The following SUPT16H variants were observed in gnomAD, a reference collection of about 807,000 sequenced individuals.
SUPT16H encodes the protein SPT16 homolog, facilitates chromatin remodeling subunit.
In SUPT16H, 24 loss-of-function variants were observed where a neutral mutation model predicts 136.2. That is an observed-to-expected ratio of 0.18 (90% CI 0.13 to 0.25). The LOEUF is 0.25. SUPT16H is among the 10% of genes least tolerant of loss of function. The probability of loss-of-function intolerance (pLI) is 1.00; values close to 1 mark genes in which losing one functional copy is unlikely to be tolerated. For synonymous variants in SUPT16H, 415 were observed against 428.2 expected, an observed-to-expected ratio of 0.97 and a Z score of 0.38; for missense variants, 623 against 1,270.2, an observed-to-expected ratio of 0.49 and a Z score of 7.74.
chr14:21,360,808 T>C, intron 17 of SUPT16H, 38 bp downstream of exon 17: 1 of 1,586,932 alleles, frequency 6.3e-7, no homozygotes, highest in East Asian at 2.2e-5. Flanking sequence ...AAATGTGCCC[T>C]GAAGAGAAAG....
intron 14 of SUPT16H, 149 bp from the exon 15 acceptor site, chr14:21,362,473 T>A: frequency 1.2e-6 from 1 of 852,270 alleles, no homozygotes; most frequent in Non-Finnish European, 1.7e-6. Context: ...ATCTTTTTAA[T>A]AACGAAGTAT....
chr14:21,377,076 G>GAAAAAAA (rs11323425), intron 1 of SUPT16H, among the ~76,000 whole-genome samples: 31 of 110,766 alleles, frequency 2.8e-4, no homozygotes, highest in East Asian at 7.9e-4. Context: ...GAAAGAAAAA[G>GAAAAAAA]AAAAAAAAAA....
intron 2 of SUPT16H, chr14:21,372,488 G>C: frequency 3.1e-6 from 1 of 324,838 alleles, no homozygotes; most frequent in South Asian, 2.5e-5. Context: ...AGGTAAGTAT[G>C]GTCATTAGGA....
At chr14:21,383,658 C>A in intron 1 of SUPT16H, 1 of 717,852 alleles carries the variant, frequency 1.4e-6, no homozygotes. Context: ...TGGTGATGGC[C>A]GCAGGACAGG....
intron 1 of SUPT16H, among the ~76,000 whole-genome samples, chr14:21,376,416 C>A (rs556058591): frequency 1.8e-4 from 27 of 152,204 alleles, no homozygotes; most frequent in African/African-American, 6.5e-4. Context: ...TAAGACTCTT[C>A]CACATTTTTA....
intron 25 of SUPT16H, among the ~76,000 whole-genome samples, chr14:21,353,254 G>A (rs577406414): frequency 1.3e-5 from 2 of 152,316 alleles, no homozygotes; most frequent in South Asian, 2.1e-4. Flanking sequence ...GGGGGCTTGC[G>A]CAGATGAAAA....
intron 17 of SUPT16H, 62 bp downstream of exon 17, chr14:21,360,784 C>G: frequency 1.3e-6 from 2 of 1,564,262 alleles, no homozygotes; most frequent in Non-Finnish European, 1.7e-6. Context: ...ATTATCTGAT[C>G]TGTCATTCCT....
chr14:21,364,854 G>T lies in SUPT16H; in HGVS notation c.1206C>A (p.Phe402Leu), dbSNP rs750267986. Residue 402 changes from phenylalanine to leucine, a missense_variant, in exon 10 of 26, where the codon TTC becomes TTA. This residue lies in a region of SUPT16H where 343 missense variants were observed against 525.7 expected (regional missense o/e 0.65). Coordinates refer to ENST00000216297, the MANE Select transcript of SUPT16H (RefSeq NM_007192.4). The stretch of plus-strand genomic sequence containing the variant: ...CATCCACAAGCACTGTGTCACCAAT[G>T]AACAGGGCATAGGTTTTCTCTTCTG... Reference protein sequence around the residue: ...KKPEEKTYALFIGDTVLVDED... With the variant: ...KKPEEKTYALLIGDTVLVDED... 1.2e-6 allele frequency: 2 copies of T among 1,612,636 alleles called. No individual in the cohort carries two copies. Among genetic ancestry groups the T allele is most frequent in the South Asian group, 2.2e-5 (2 of 90,982 alleles).
intron 1 of SUPT16H, among the ~76,000 whole-genome samples, chr14:21,374,825 T>C (rs1445721563): frequency 2.6e-5 from 4 of 152,212 alleles, no homozygotes; most frequent in African/African-American, 9.7e-5. Context: ...GGTATACATA[T>C]ACCTAGGAGA....
Position 21,353,481 on chromosome 14 carries a change from T to A in SUPT16H, c.2998+7A>T. 6.2e-7 allele frequency: 1 copy of A among 1,612,300 alleles called. No individual in the cohort carries two copies. Among genetic ancestry groups the A allele is most frequent in the Non-Finnish European group, 8.5e-7 (1 of 1,179,726 alleles). ...AAATGAATAAAAAACAACACATTTTTAAAAACCTTTTCGGGCTTCTTCCTC... is the reference window on the plus strand; with the variant it reads ...AAATGAATAAAAAACAACACATTTTAAAAAACCTTTTCGGGCTTCTTCCTC... On this transcript the variant is annotated splice_region_variant and intron_variant, in intron 25 of 25. Transcript: ENST00000216297.
At chr14:21,383,811 T>G (rs1185424111) in intron 1 of SUPT16H, 51 bp downstream of exon 1, 17 of 1,606,238 alleles carry the variant, frequency 1.1e-5, no homozygotes, top group Non-Finnish European at 1.4e-5. Flanking sequence ...ACAGGGTTAT[T>G]ATGGGATGGC....
At chr14:21,353,633 T>TA in intron 24 of SUPT16H, 68 bp from the exon 25 acceptor site, 1 of 1,602,474 alleles carries the variant, frequency 6.2e-7, no homozygotes, top group Non-Finnish European at 8.5e-7. Flanking sequence ...GTTCTTAGTC[T>TA]AAAAAAAGTA....
rs1886573836 is a variant in SUPT16H at position 21,362,335 on chromosome 14, G to A, written c.1666-11C>T. The A allele has an allele frequency of 6.2e-7, 1 of 1,604,572 alleles. No homozygotes were observed. The highest frequency in any genetic ancestry group is 8.5e-7 in the Non-Finnish European group (1 of 1,176,966). On this transcript the variant is annotated splice_polypyrimidine_tract_variant and intron_variant, in intron 14 of 25. Coordinates refer to ENST00000216297, the MANE Select transcript of SUPT16H (RefSeq NM_007192.4). ...GGACATACTTATATTCTGTTCAAAGGAAAAGCATAAAAAGTAAACAGATTT... is the reference window on the plus strand; with the variant it reads ...GGACATACTTATATTCTGTTCAAAGAAAAAGCATAAAAAGTAAACAGATTT...
chr14:21,373,248 G>C (rs2139414580), intron 2 of SUPT16H, 90 bp downstream of exon 2: 1 of 1,081,888 alleles, frequency 9.2e-7, no homozygotes, highest in Non-Finnish European at 1.4e-6. Context: ...AGCCAGCCAG[G>C]AATTTAAGTT....
At chr14:21,364,786 G>T in intron 10 of SUPT16H, 41 bp downstream of exon 10, 1 of 1,562,606 alleles carries the variant, frequency 6.4e-7, no homozygotes, top group Non-Finnish European at 8.8e-7. Context: ...TGCCTCAGAA[G>T]TTAGTTCATG....
intron 1 of SUPT16H, among the ~76,000 whole-genome samples, chr14:21,377,574 TC>T (rs1271962467): frequency 1.3e-5 from 2 of 149,762 alleles, no homozygotes; most frequent in Admixed American, 6.6e-5. Context: ...ATTCTATGCA[TC>T]CTTTTTTTTT....
At chr14:21,368,165 T>A in intron 7 of SUPT16H, 104 bp downstream of exon 7, 2 of 1,197,296 alleles carry the variant, frequency 1.7e-6, no homozygotes, top group South Asian at 1.5e-5. Context: ...GTGATCCTCC[T>A]GCCTCGGCCT....
In SUPT16H at chr14:21,371,960, C is replaced by T; in HGVS notation, c.244G>A (p.Val82Met). ...TTGGCAATCTGTTTCAAGAACTCCA[C>T]TTTTTTCTTGCTGGCCATAAAGATG... ...KIIFMASKKK[V>M]EFLKQIANTK... The change falls in exon 3 of 26, where the codon GTG (valine) becomes ATG (methionine). Residue 82 changes from valine to methionine, a missense_variant. By Grantham distance (21) the Val-to-Met change is conservative. Transcript: ENST00000216297. 1.2e-6 allele frequency: 2 copies of T among 1,614,060 alleles called. No homozygotes were observed. The highest frequency in any genetic ancestry group is 1.7e-6 in the Non-Finnish European group (2 of 1,180,002).
In SUPT16H at chr14:21,352,836, T is replaced by G. The variant is rs1886347732; in HGVS notation, c.2999-18A>C. 2 of 1,614,084 alleles carry G rather than the reference T, an allele frequency of 1.2e-6. No individual in the cohort carries two copies. The highest frequency in any genetic ancestry group is 1.7e-6 in the Non-Finnish European group (2 of 1,180,006). On this transcript the variant is annotated intron_variant, in intron 25 of 25. Coordinates refer to ENST00000216297, the MANE Select transcript of SUPT16H (RefSeq NM_007192.4). ...TCGGTCCGCTAAATAGAAGAGGCAT[T>G]ATTAGTTAGCAATAGGTAAGCTTTA...
Sources: allele counts gnomAD v4.1 joint callset (sites outside exome capture counted in the v4.1 genomes callset), GRCh38; gene constraint gnomAD v4.1.1; regional missense constraint gnomAD v4.1.1; transcripts MANE v1.5; gene names NCBI Gene and HGNC (gene_info 2026-07-23, HGNC 2026-07-21).